AKIRIN1: variants seen among roughly 807,000 people sequenced by gnomAD.
The protein encoded by AKIRIN1 is akirin 1.
AKIRIN1 carries 4 observed loss-of-function variants against 25.9 expected under a neutral mutation model. The observed-to-expected ratio is 0.15, with a 90% CI of 0.08 to 0.35. The LOEUF is 0.35. AKIRIN1 is among the 10% of genes least tolerant of loss of function. The pLI is 1.00. For missense variants in AKIRIN1, 243 were observed against 266.1 expected, an observed-to-expected ratio of 0.91 and a Z score of 0.61; for synonymous variants, 125 against 105.1, an observed-to-expected ratio of 1.19 and a Z score of -1.16.
At position 39,003,383 on chromosome 1, in the gene AKIRIN1, A is replaced by G. The variant is rs1644009396; in HGVS notation, c.533A>G (p.Gln178Arg). 1 of 1,613,796 alleles carries G rather than the reference A, an allele frequency of 6.2e-7. No individual in the cohort carries two copies. The highest frequency in any genetic ancestry group is 8.5e-7 in the Non-Finnish European group (1 of 1,179,996). ...TCTTTTGTGAAATTCACACATGATCAGATTATGCGACGGTATGGGACAAGG... is the reference window on the plus strand; with the variant it reads ...TCTTTTGTGAAATTCACACATGATCGGATTATGCGACGGTATGGGACAAGG... The part of the protein sequence containing the change: ...YESFVKFTHD[Q>R]IMRRYGTRPT... Residue 178 changes from glutamine to arginine, a missense_variant, in exon 4 of 5, where the codon CAG becomes CGG. This residue lies in a region of AKIRIN1 where 25 missense variants were observed against 45.3 expected (regional missense o/e 0.55). Transcript: ENST00000432648.
chr1:38,997,900 CTCTG>C (rs947195013), intron 1 of AKIRIN1, among the ~76,000 whole-genome samples: 3 of 152,184 alleles, frequency 2.0e-5, no homozygotes, highest in East Asian at 1.9e-4. Context: ...GTAAAGGGAA[CTCTG>C]TCTGGTTTAT....
intron 1 of AKIRIN1, 26 bp from the exon 2 acceptor site, chr1:38,998,145 G>A: frequency 1.3e-6 from 2 of 1,595,864 alleles, no homozygotes; most frequent in Non-Finnish European, 1.7e-6. Context: ...TAAAGTGAAA[G>A]CTCAAGTTTG....
rs913450415 is a variant in AKIRIN1, at chr1:39,005,621, G to GT, written c.*1573dup. On this transcript the variant is annotated 3_prime_UTR_variant, in exon 5 of 5. Transcript: ENST00000432648. ...ATTGTTTTACTTTGAATATAGAATA[G>GT]TTTTTTTAATTAGGGCTTATTTTGA... is the stretch of plus-strand genomic sequence containing the variant. 6.6e-6 allele frequency: 1 copy of GT among 152,142 alleles called. No homozygotes were observed. Among genetic ancestry groups the GT allele is most frequent in the Non-Finnish European group, 1.5e-5 (1 of 68,030 alleles). The allele number at this position is 152,142 out of a possible 1,614,324, so 9.4% of individuals were successfully genotyped here. A position where few individuals can be genotyped will look rare whatever the true frequency, so the allele number is the denominator to read the frequency against.
intron 1 of AKIRIN1, among the ~76,000 whole-genome samples, chr1:38,995,307 A>G (rs1051462312): frequency 2.0e-5 from 3 of 152,230 alleles, no homozygotes; most frequent in Admixed American, 6.5e-5. Flanking sequence ...ATTGACTGCC[A>G]TGTTCAAGAG....
intron 3 of AKIRIN1, among the ~76,000 whole-genome samples, chr1:39,002,824 C>T (rs1644004461): frequency 6.6e-6 from 1 of 152,136 alleles, no homozygotes; most frequent in South Asian, 2.1e-4. Flanking sequence ...CTTCTTTGTT[C>T]ACAGATGTCA....
intron 1 of AKIRIN1, among the ~76,000 whole-genome samples, chr1:38,994,391 A>G (rs989315592): frequency 6.6e-6 from 1 of 152,220 alleles, no homozygotes; most frequent in South Asian, 2.1e-4. Context: ...CAGACATGGA[A>G]GAAGGGGGTT....
chr1:38,993,186 A>G (rs1643922106), intron 1 of AKIRIN1, among the ~76,000 whole-genome samples: 2 of 152,328 alleles, frequency 1.3e-5, no homozygotes, highest in South Asian at 4.1e-4. Flanking sequence ...TTTAATGTAA[A>G]TGTTTTATTC....
In AKIRIN1 at chr1:38,991,301, T is replaced by G. The variant is rs980522191; in HGVS notation, c.-80T>G. ...GCTGGAGGCGCCATTGGAGCCGGCT[T>G]GGCTGGCGAGCCCGGCTGAGGAGCC... On this transcript the variant is annotated 5_prime_UTR_variant, in exon 1 of 5. Transcript: ENST00000432648. 8.0e-7 allele frequency: 1 copy of G among 1,243,054 alleles called. No homozygotes were observed. Among genetic ancestry groups the G allele is most frequent in the South Asian group, 2.2e-5 (1 of 45,566 alleles). 77.0% of individuals were successfully genotyped at this position (1,243,054 alleles called of 1,614,324 possible).
Position 38,991,581 on chromosome 1 carries a change from G to T in AKIRIN1, c.201G>T (p.Glu67Asp). The stretch of plus-strand genomic sequence containing the variant: ...AGCAGCCCGCCCCGCCCGGCAGCGA[G>T]CGGCGCCTTCCAACTCCGGGTAACC... ...SLQQPAPPGSERRLPTPEQIF... is the reference protein window; with the variant it reads ...SLQQPAPPGSDRRLPTPEQIF... The change falls in exon 1 of 5, where the codon GAG becomes GAT. Residue 67 changes from glutamate to aspartate, a missense_variant. By Grantham distance (45) the Glu-to-Asp change is conservative. Coordinates refer to ENST00000432648, the MANE Select transcript of AKIRIN1 (RefSeq NM_024595.3). The T allele has an allele frequency of 2.2e-6, 3 of 1,347,850 alleles. No individual in the cohort carries two copies. The highest frequency in any genetic ancestry group is 2.9e-6 in the Non-Finnish European group (3 of 1,051,296). 83.5% of individuals were successfully genotyped at this position (1,347,850 alleles called of 1,614,324 possible). A position where few individuals can be genotyped will look rare whatever the true frequency, so the allele number is the denominator to read the frequency against.
chr1:38,994,672 ATTTTTTTTTTTT>A (rs10528399), intron 1 of AKIRIN1, among the ~76,000 whole-genome samples: 24 of 63,558 alleles, frequency 3.8e-4, no homozygotes, highest in Middle Eastern at 0.013. Context: ...CGCTCGGCTA[ATTTTTTTTTTTT>A]TTTTTTTTTT....
rs188460123 is a variant in AKIRIN1 at position 38,995,153 on chromosome 1, A to C, written c.221-3018A>C. ...GCTGAGTCTTGATCAAGTTTGAGCA[A>C]TAGTCCCATTTCGAGCACAGGGAAA... On this transcript the variant is annotated intron_variant, in intron 1 of 4. Coordinates refer to ENST00000432648, the MANE Select transcript of AKIRIN1 (RefSeq NM_024595.3). Among the ~76,000 whole-genome samples the C allele has an allele frequency of 1.2e-3, 182 of 152,316 alleles. 1 individual carries two copies. The highest frequency in any genetic ancestry group is 4.0e-3 in the African/African-American group (168 of 41,580).
chr1:38,999,721 GAGTT>G (rs1643973983), intron 2 of AKIRIN1, among the ~76,000 whole-genome samples: 1 of 152,160 alleles, frequency 6.6e-6, no homozygotes. Context: ...AAATATCCTT[GAGTT>G]AGTTTAAGCA....
chr1:38,994,088 A>G (rs1405587958), intron 1 of AKIRIN1, among the ~76,000 whole-genome samples: 3 of 151,946 alleles, frequency 2.0e-5, no homozygotes, highest in Admixed American at 6.6e-5. Context: ...AAAAAAAGCT[A>G]AAAAATTAGC....
chr1:38,995,490 T>G (rs910964877), intron 1 of AKIRIN1, among the ~76,000 whole-genome samples: 1 of 152,218 alleles, frequency 6.6e-6, no homozygotes, highest in Non-Finnish European at 1.5e-5. Flanking sequence ...TTATATGGCC[T>G]TCTACAGAAG....
At chr1:38,995,627 G>A (rs1044127015) in intron 1 of AKIRIN1, among the ~76,000 whole-genome samples, 6 of 152,194 alleles carry the variant, frequency 3.9e-5, no homozygotes, top group Non-Finnish European at 8.8e-5. Context: ...GGAGGCAGAG[G>A]TTTATCAAAG....
In AKIRIN1 at chr1:39,002,066, G is replaced by A. The variant is rs116144234; in HGVS notation, c.496+960G>A. Reference sequence around the variant, plus strand: ...AAATAGGAAATAGTACCTGTTTAGTGAAAGTGGATAATATTCCACATTAAA... The same window carrying A: ...AAATAGGAAATAGTACCTGTTTAGTAAAAGTGGATAATATTCCACATTAAA... On this transcript the variant is annotated intron_variant, in intron 3 of 4. Coordinates refer to ENST00000432648, the MANE Select transcript of AKIRIN1 (RefSeq NM_024595.3). 4.3e-3 allele frequency among the ~76,000 whole-genome samples: 651 copies of A among 152,298 alleles called. 4 individuals carry two copies. The highest frequency in any genetic ancestry group is 0.015 in the African/African-American group (631 of 41,572).
chr1:38,998,089 C>G, intron 1 of AKIRIN1, 82 bp from the exon 2 acceptor site: 1 of 1,435,456 alleles, frequency 7.0e-7, no homozygotes. Flanking sequence ...GTCAGAAGAT[C>G]TTTGTCTCTT....
chr1:38,998,707 C>T (rs903418992), intron 2 of AKIRIN1, among the ~76,000 whole-genome samples: 17 of 151,732 alleles, frequency 1.1e-4, no homozygotes, highest in Admixed American at 2.0e-4. Context: ...AGTTCAAGAC[C>T]GGCCTGGCCA....
chr1:39,004,237 ATCTT>A lies in AKIRIN1; in HGVS notation c.*188_*191del. 1.4e-6 allele frequency: 1 copy of A among 733,840 alleles called. No individual in the cohort carries two copies. The highest frequency in any genetic ancestry group is 2.5e-6 in the Non-Finnish European group (1 of 406,298). The allele number at this position is 733,840 out of a possible 1,614,324, so 45.5% of individuals were successfully genotyped here. A position where few individuals can be genotyped will look rare whatever the true frequency, so the allele number is the denominator to read the frequency against. ...AAAACTTTCTGGTTGCCACAAGCAT[ATCTT>A]TCTTTTCTGCTCATCCAATAAACAG... is the stretch of plus-strand genomic sequence containing the variant. On this transcript the variant is annotated 3_prime_UTR_variant, in exon 5 of 5. Transcript: ENST00000432648.
Sources: gnomAD v4.1 joint callset for allele counts (sites outside exome capture counted in the v4.1 genomes callset) on GRCh38, gnomAD v4.1.1 for gene constraint, gnomAD v4.1.1 regional missense constraint, MANE v1.5 for transcripts, NCBI Gene and HGNC (gene_info 2026-07-23, HGNC 2026-07-21) for gene names.